SLC45A4: variants seen among roughly 807,000 people sequenced by gnomAD.
The protein encoded by SLC45A4 is solute carrier family 45 member 4.
A neutral mutation model predicts 63.7 loss-of-function variants in SLC45A4; 32 were observed. The observed-to-expected ratio is 0.50, with a 90% CI of 0.38 to 0.67. SLC45A4 has a LOEUF of 0.67. Ranked by LOEUF, SLC45A4 falls within the 30% of genes least tolerant of loss-of-function variation. The pLI is 0.00. For synonymous variants in SLC45A4, 535 were observed against 510.0 expected, an observed-to-expected ratio of 1.05 and a Z score of -0.66; for missense variants, 1,027 against 1,157.7, an observed-to-expected ratio of 0.89 and a Z score of 1.64.
In SLC45A4 at chr8:141,278,577, G is replaced by T. The variant is rs1344541333; in HGVS notation, c.-400-23948C>A. Among the ~76,000 whole-genome samples, 2 of 152,204 alleles carry T rather than the reference G, an allele frequency of 1.3e-5. No homozygotes were observed. The highest frequency in any genetic ancestry group is 4.8e-5 in the African/African-American group (2 of 41,436). ...AGCACCTGCAGTGGAGGTGGGGCGG[G>T]CAGCCGAAGGAGAGACAGGCCTCTG... On this transcript the variant is annotated intron_variant, in intron 1 of 8. Coordinates refer to ENST00000517878, the MANE Select transcript of SLC45A4 (RefSeq NM_001286646.2). The surrounding 1 kb of genome is among the most constrained non-coding windows in gnomAD (Gnocchi z 4.1).
At chr8:141,242,913 C>T (rs933784448) in intron 2 of SLC45A4, among the ~76,000 whole-genome samples, 1 of 152,232 alleles carries the variant, frequency 6.6e-6, no homozygotes, top group Non-Finnish European at 1.5e-5. Flanking sequence ...GAATCTCTCA[C>T]AAGAGGCGAC....
intron 1 of SLC45A4, among the ~76,000 whole-genome samples, chr8:141,283,605 G>A (rs1275612870): frequency 5.9e-5 from 9 of 152,220 alleles, no homozygotes; most frequent in African/African-American, 1.2e-4. Flanking sequence ...GGGCACCACC[G>A]GGCTGTGGTC....
intron 2 of SLC45A4, among the ~76,000 whole-genome samples, chr8:141,243,327 C>T (rs973884576): frequency 2.0e-4 from 31 of 152,202 alleles, no homozygotes; most frequent in Non-Finnish European, 3.8e-4. Flanking sequence ...GCAGCAAGCA[C>T]GAAGCGCAGT....
intron 1 of SLC45A4, among the ~76,000 whole-genome samples, chr8:141,267,290 C>T (rs1255889543): frequency 6.6e-6 from 1 of 152,232 alleles, no homozygotes; most frequent in African/African-American, 2.4e-5. Flanking sequence ...TGCCGTGTCC[C>T]GTGGGGCCTG....
rs1161726374 is a variant in SLC45A4, at chr8:141,248,549, AAC to A, written c.241+5438_241+5439del. Among the ~76,000 whole-genome samples the A allele has an allele frequency of 3.3e-5, 5 of 152,042 alleles. No individual in the cohort carries two copies. The East Asian group carries it at 9.7e-4, about 29-fold the overall frequency. ...CACACCACTGCATTTCAGCCTGGGA[AAC>A]AGAGTCCCTGTTTAAAAAAAAAAAT... On this transcript the variant is annotated intron_variant, in intron 2 of 8. Coordinates refer to ENST00000517878, the MANE Select transcript of SLC45A4 (RefSeq NM_001286646.2).
At position 141,298,188 on chromosome 8, in the gene SLC45A4, G is replaced by A. The variant is rs556402547; in HGVS notation, c.-401+9908C>T. 7.9e-5 allele frequency among the ~76,000 whole-genome samples: 12 copies of A among 152,364 alleles called. No homozygotes were observed. In the East Asian group the frequency reaches 1.5e-3, roughly 20 times the overall value. On this transcript the variant is annotated intron_variant, in intron 1 of 8. Coordinates refer to ENST00000517878, the MANE Select transcript of SLC45A4 (RefSeq NM_001286646.2). ...AGTGAGAGTCAACAGAATTGCTAAC[G>A]GGTGATGAATCTGGGGATAACACGA...
rs926182745 is a variant in SLC45A4 at position 141,227,722 on chromosome 8, C to T, written c.242-5957G>A. On this transcript the variant is annotated intron_variant, in intron 2 of 8. Coordinates refer to ENST00000517878, the MANE Select transcript of SLC45A4 (RefSeq NM_001286646.2). This position sits in a 1 kb window ranked among gnomAD's most constrained non-coding sequence, Gnocchi z 4.4. ...GGGCCCCACAGCTGCAAGGAATGTTCCAGAACCACTACAGCCACAGGAAGA... is the reference window on the plus strand; with the variant it reads ...GGGCCCCACAGCTGCAAGGAATGTTTCAGAACCACTACAGCCACAGGAAGA... Among the ~76,000 whole-genome samples the T allele has an allele frequency of 6.6e-6, 1 of 152,142 alleles. No homozygotes were observed. Among genetic ancestry groups the T allele is most frequent in the African/African-American group, 2.4e-5 (1 of 41,428 alleles).
At chr8:141,213,284 A>T in intron 7 of SLC45A4, among the ~76,000 whole-genome samples, 1 of 152,214 alleles carries the variant, frequency 6.6e-6, no homozygotes, top group East Asian at 1.9e-4. Flanking sequence ...CAGGACCCAC[A>T]TTCTTTCCAA....
intron 1 of SLC45A4, among the ~76,000 whole-genome samples, chr8:141,293,947 G>GTTTT (rs746834065): frequency 0.043 from 6,488 of 150,808 alleles, 195 homozygotes; most frequent in Middle Eastern, 0.085. Flanking sequence ...AAAAAAAAAA[G>GTTTT]TAAATGTAAA....
intron 1 of SLC45A4, among the ~76,000 whole-genome samples, chr8:141,271,070 C>T (rs1380254838): frequency 2.6e-5 from 4 of 152,254 alleles, no homozygotes; most frequent in Non-Finnish European, 5.9e-5. Flanking sequence ...TGACTGACAT[C>T]GACAATGCTG....
At position 141,229,041 on chromosome 8, in the gene SLC45A4, C is replaced by T. The variant is rs1260160902; in HGVS notation, c.242-7276G>A. ...ACACTTGTCTCCCCATCGGCTCCTC[C>T]CGCCCATGGGACCTTCGAAGACACT... On this transcript the variant is annotated intron_variant, in intron 2 of 8. Transcript: ENST00000517878. This position sits in a 1 kb window ranked among gnomAD's most constrained non-coding sequence, Gnocchi z 5.0. Among the ~76,000 whole-genome samples, 2 of 152,180 alleles carry T rather than the reference C, an allele frequency of 1.3e-5. No homozygotes were observed. The highest frequency in any genetic ancestry group is 2.9e-5 in the Non-Finnish European group (2 of 68,024).
chr8:141,263,493 C>T (rs143696043), intron 1 of SLC45A4, among the ~76,000 whole-genome samples: 115 of 151,844 alleles, frequency 7.6e-4, no homozygotes, highest in African/African-American at 2.6e-3. Flanking sequence ...CATGGCCGGG[C>T]GCAGTGGCTC....
At chr8:141,298,771 C>A (rs1210404733) in intron 1 of SLC45A4, among the ~76,000 whole-genome samples, 1 of 152,204 alleles carries the variant, frequency 6.6e-6, no homozygotes, top group East Asian at 1.9e-4. Context: ...AACAGCAGGG[C>A]TGGCCACAGA....
chr8:141,223,510 T>C (rs113665036), intron 2 of SLC45A4, among the ~76,000 whole-genome samples: 1,727 of 152,308 alleles, frequency 0.011, 30 homozygotes, highest in African/African-American at 0.039. Context: ...ACTGTACCAA[T>C]GTATGTCGGC....
Position 141,212,225 on chromosome 8 carries a change from A to G in SLC45A4, c.2273T>C (p.Leu758Pro), listed in dbSNP as rs202199149. 22 of 1,467,068 alleles carry G rather than the reference A, an allele frequency of 1.5e-5. No individual in the cohort carries two copies. The East Asian group carries it at 2.4e-4, about 16-fold the overall frequency. 90.9% of individuals were successfully genotyped at this position (1,467,068 alleles called of 1,614,324 possible). A position where few individuals can be genotyped will look rare whatever the true frequency, so the allele number is the denominator to read the frequency against. ...TVLKLTRKEG[L>P]QGPVETESVT... The stretch of plus-strand genomic sequence containing the variant: ...GGACTCTGTCTCCACCGGTCCCTGC[A>G]GGCCCTCCTTCCGCGTGAGCTTCAG... Residue 758 changes from leucine (L) to proline (P), a missense_variant, in exon 8 of 9, where the codon CTG becomes CCG. Coordinates refer to ENST00000517878, the MANE Select transcript of SLC45A4 (RefSeq NM_001286646.2).
At position 141,257,921 on chromosome 8, in the gene SLC45A4, C is replaced by T. The variant is rs1043991828; in HGVS notation, c.-400-3292G>A. 3.3e-4 allele frequency among the ~76,000 whole-genome samples: 50 copies of T among 152,286 alleles called. 1 individual carries two copies. The highest frequency in any genetic ancestry group is 3.4e-3 in the Middle Eastern group (1 of 294). On this transcript the variant is annotated intron_variant, in intron 1 of 8. Coordinates refer to ENST00000517878, the MANE Select transcript of SLC45A4 (RefSeq NM_001286646.2). ...AACGGCTTTCTTTAAAAATGCTTCACCCCTTGATTATTCCATTCCGAGTCC... is the reference window on the plus strand; with the variant it reads ...AACGGCTTTCTTTAAAAATGCTTCATCCCTTGATTATTCCATTCCGAGTCC...
intron 7 of SLC45A4, among the ~76,000 whole-genome samples, chr8:141,212,833 C>T (rs758855318): frequency 3.3e-5 from 5 of 152,194 alleles, no homozygotes; most frequent in Non-Finnish European, 7.4e-5. Flanking sequence ...ATCTGGCCTC[C>T]AGTCTCAAGG....
intron 1 of SLC45A4, among the ~76,000 whole-genome samples, chr8:141,300,482 G>A (rs1299950821): frequency 6.6e-6 from 1 of 152,256 alleles, no homozygotes; most frequent in African/African-American, 2.4e-5. Flanking sequence ...GATGCCAAGT[G>A]TCAACGCCCC....
rs537667816 is a variant in SLC45A4, at chr8:141,218,259, T to A, written c.1381A>T (p.Met461Leu). The A allele has an allele frequency of 1.7e-5, 27 of 1,602,976 alleles. No homozygotes were observed. The Admixed American group carries it at 2.0e-4, about 12-fold the overall frequency. ...PSRSMSDLYDMQKRQRQHRHR... is the reference protein window; with the variant it reads ...PSRSMSDLYDLQKRQRQHRHR... ...CGGTGCTGCCGCTGCCGCTTCTGCATGTCGTACAGGTCGCTCATGCTGCGC... is the reference window on the plus strand; with the variant it reads ...CGGTGCTGCCGCTGCCGCTTCTGCAAGTCGTACAGGTCGCTCATGCTGCGC... Residue 461 changes from methionine to leucine, a missense_variant, in exon 5 of 9, where the codon ATG (methionine) becomes TTG (leucine). Coordinates refer to ENST00000517878, the MANE Select transcript of SLC45A4 (RefSeq NM_001286646.2).
Sources: gnomAD v4.1 joint callset for allele counts (sites outside exome capture counted in the v4.1 genomes callset) on GRCh38, gnomAD v4.1.1 for gene constraint, Gnocchi (gnomAD v3.1) non-coding constraint, MANE v1.5 for transcripts, NCBI Gene and HGNC (gene_info 2026-07-23, HGNC 2026-07-21) for gene names.